Variants in MAGI1 observed in about 807,000 individuals in gnomAD.
MAGI1 encodes membrane-associated guanylate kinase, WW and PDZ domain-containing protein 1.
In MAGI1, 58 loss-of-function variants were observed where a neutral mutation model predicts 139.9. The observed-to-expected ratio is 0.41, with a 90% CI of 0.34 to 0.52. The LOEUF (loss-of-function observed/expected upper bound fraction) is 0.52. Ranked by LOEUF, MAGI1 falls within the 20% of genes least tolerant of loss-of-function variation. The pLI, the probability that MAGI1 is intolerant of heterozygous loss-of-function variation, is 0.12. For missense variants in MAGI1, 1,874 were observed against 1,901.6 expected, an observed-to-expected ratio of 0.99 and a Z score of 0.27; for synonymous variants, 812 against 737.9, an observed-to-expected ratio of 1.10 and a Z score of -1.63.
intron 1 of MAGI1, among the ~76,000 whole-genome samples, chr3:65,767,540 T>G (rs1169609912): frequency 1.3e-5 from 2 of 152,184 alleles, no homozygotes. Flanking sequence ...GAGAATAGTT[T>G]TATAGTATTT....
chr3:65,718,926 G>A (rs1434668578), intron 1 of MAGI1, among the ~76,000 whole-genome samples: 2 of 149,714 alleles, frequency 1.3e-5, no homozygotes, highest in Non-Finnish European at 3.0e-5. Context: ...TAAAAGAAAA[G>A]GTCAATTCCC....
intron 1 of MAGI1, among the ~76,000 whole-genome samples, chr3:65,666,584 A>T (rs2086542232): frequency 1.3e-5 from 2 of 152,244 alleles, no homozygotes; most frequent in Non-Finnish European, 2.9e-5. Flanking sequence ...GATAGGAATG[A>T]CACATGTCTA....
chr3:65,642,802 G>C (rs1381900432), intron 1 of MAGI1, among the ~76,000 whole-genome samples: 2 of 152,086 alleles, frequency 1.3e-5, no homozygotes, highest in African/African-American at 4.8e-5. Flanking sequence ...TAACAATTAA[G>C]GAATAAAGCT....
chr3:65,525,061 C>T (rs1452300978), intron 2 of MAGI1, among the ~76,000 whole-genome samples: 1 of 152,144 alleles, frequency 6.6e-6, no homozygotes, highest in Non-Finnish European at 1.5e-5. Flanking sequence ...TTGGCTCCAG[C>T]ACCCTCAGTC....
At chr3:65,377,931 G>T (rs1942686611) in intron 17 of MAGI1, among the ~76,000 whole-genome samples, 1 of 152,168 alleles carries the variant, frequency 6.6e-6, no homozygotes, top group Non-Finnish European at 1.5e-5. Flanking sequence ...AGCTCTACTG[G>T]ATGAGAATGC....
At chr3:65,548,594 C>G (rs955161286) in intron 2 of MAGI1, among the ~76,000 whole-genome samples, 20 of 141,044 alleles carry the variant, frequency 1.4e-4, no homozygotes, top group Non-Finnish European at 3.0e-4. Flanking sequence ...GCGATCTCAG[C>G]TCACTGCAAC....
At chr3:65,755,287 A>G (rs183461839) in intron 1 of MAGI1, among the ~76,000 whole-genome samples, 18 of 152,278 alleles carry the variant, frequency 1.2e-4, no homozygotes, top group African/African-American at 4.3e-4. Context: ...AATGTTTACA[A>G]TTCACCCAAG....
rs556618636 is a variant in MAGI1 at position 65,762,172 on chromosome 3, G to A, written c.314-140084C>T. ...TTCCAGCACCCAGCGCCTGCCAGGA[G>A]GGCAGTCTATGAACAATCACAGCTC... On this transcript the variant is annotated intron_variant, in intron 1 of 22. Coordinates refer to ENST00000402939, the MANE Select transcript of MAGI1 (RefSeq NM_001033057.2). Among the ~76,000 whole-genome samples the A allele has an allele frequency of 1.4e-4, 21 of 152,250 alleles. No homozygotes were observed. The East Asian group carries it at 2.3e-3, about 17-fold the overall frequency.
chr3:65,878,726 T>C (rs1163532106), intron 1 of MAGI1, among the ~76,000 whole-genome samples: 8 of 152,140 alleles, frequency 5.3e-5, no homozygotes, highest in Non-Finnish European at 1.2e-4. Flanking sequence ...AGTTTAAATA[T>C]TACACTTTGC....
At chr3:65,387,203 C>T (rs868607850) in intron 14 of MAGI1, 5 of 1,613,944 alleles carry the variant, frequency 3.1e-6, no homozygotes, top group Non-Finnish European at 4.2e-6. Context: ...TTGCTCAATC[C>T]CGACGCAGGT....
At chr3:65,751,115 G>A (rs1020173964) in intron 1 of MAGI1, among the ~76,000 whole-genome samples, 2 of 152,232 alleles carry the variant, frequency 1.3e-5, no homozygotes, top group Admixed American at 1.3e-4. Flanking sequence ...ACAGCTTGGT[G>A]AGTATAAGCT....
chr3:65,765,505 T>G (rs1018197105), intron 1 of MAGI1, among the ~76,000 whole-genome samples: 3 of 152,288 alleles, frequency 2.0e-5, no homozygotes, highest in African/African-American at 7.2e-5. Flanking sequence ...TTTAAAACAT[T>G]GAAGTCATTT....
intron 7 of MAGI1, among the ~76,000 whole-genome samples, chr3:65,447,446 C>T (rs1206352715): frequency 2.0e-5 from 3 of 152,154 alleles, no homozygotes; most frequent in Admixed American, 2.0e-4. Context: ...GATGCTGCAT[C>T]ACTATATAAA....
At chr3:65,647,317 T>C (rs976909565) in intron 1 of MAGI1, among the ~76,000 whole-genome samples, 1 of 152,118 alleles carries the variant, frequency 6.6e-6, no homozygotes, top group African/African-American at 2.4e-5. Flanking sequence ...ATATAAAATA[T>C]ATAATTTGGA....
At chr3:65,962,254 G>A (rs960789928) in intron 1 of MAGI1, among the ~76,000 whole-genome samples, 1 of 151,328 alleles carries the variant, frequency 6.6e-6, no homozygotes, top group African/African-American at 2.4e-5. Context: ...GAGTAGCTGG[G>A]ACTACAGGCA....
In MAGI1 at chr3:65,444,367, G is replaced by A. The variant is rs549036810; in HGVS notation, c.1079-1518C>T. Among the ~76,000 whole-genome samples the A allele has an allele frequency of 2.6e-5, 4 of 152,138 alleles. No individual in the cohort carries two copies. The South Asian group carries it at 8.3e-4, about 32-fold the overall frequency. On this transcript the variant is annotated intron_variant, in intron 7 of 22. Transcript: ENST00000402939. ...CCAGGAAAATATTACCAAAGAGTTG[G>A]GAAATCGAAGATTAAAAAAATGCAA...
chr3:65,887,443 C>G (rs2060580461), intron 1 of MAGI1, among the ~76,000 whole-genome samples: 1 of 145,388 alleles, frequency 6.9e-6, no homozygotes, highest in Non-Finnish European at 1.5e-5. Context: ...TTTCTATCTA[C>G]AAATAAAACC....
chr3:65,488,046 C>T (rs932735220), intron 3 of MAGI1, among the ~76,000 whole-genome samples: 1 of 152,226 alleles, frequency 6.6e-6, no homozygotes. Context: ...GAAGTTCTTA[C>T]AGGATAGCAG....
In MAGI1 at chr3:65,756,553, G is replaced by C. The variant is rs775042589; in HGVS notation, c.314-134465C>G. 1.2e-3 allele frequency among the ~76,000 whole-genome samples: 187 copies of C among 152,122 alleles called. 5 individuals carry two copies. The highest frequency in any genetic ancestry group is 4.0e-4 in the Non-Finnish European group (27 of 68,028). ...TGATATATGTTCATCCCAGCGTCTG[G>C]CTCCTGGTGTCAGCAGAGGTCTCTA... On this transcript the variant is annotated intron_variant, in intron 1 of 22. Transcript: ENST00000402939.
Sources: allele counts gnomAD v4.1 joint callset (sites outside exome capture counted in the v4.1 genomes callset), GRCh38; gene constraint gnomAD v4.1.1; transcripts MANE v1.5; gene names NCBI Gene and HGNC (gene_info 2026-07-23, HGNC 2026-07-21).